Variants in PIBF1 observed in about 807,000 individuals in gnomAD.
PIBF1 encodes the protein progesterone-induced-blocking factor 1.
Under a neutral mutation model 112.5 loss-of-function variants are expected in PIBF1, and 90 were observed. That is an observed-to-expected ratio of 0.80 (90% CI 0.67 to 0.95). The LOEUF (loss-of-function observed/expected upper bound fraction) is 0.95. Ranked by LOEUF, PIBF1 falls within the 40% of genes least tolerant of loss-of-function variation. The pLI is 0.00. For missense variants in PIBF1, 915 were observed against 852.3 expected (o/e 1.07, Z -0.92); for synonymous variants, 301 against 288.6 (o/e 1.04, Z -0.44).
chr13:72,887,657 G>T lies in PIBF1; in HGVS notation c.1323-6127G>T, dbSNP rs988677576. ...TAAATTTCTCATATAAAAATTTTTT[G>T]AGTTGCCTTCAGTAAAATTAATTTT... On this transcript the variant is annotated intron_variant, in intron 10 of 17. Transcript: ENST00000326291. Among the ~76,000 whole-genome samples the T allele has an allele frequency of 3.9e-5, 6 of 151,900 alleles. No individual in the cohort carries two copies. In the East Asian group the frequency reaches 1.2e-3, roughly 29 times the overall value.
At position 72,827,792 on chromosome 13, in the gene PIBF1, C is replaced by T. The variant is rs960490760; in HGVS notation, c.975C>T (p.Arg325=). Residue 325 remains arginine, a synonymous_variant, in exon 8 of 18, where the codon CGC becomes CGT. Transcript: ENST00000326291. ...AAAAGGATAAAGAATATCTTAATCG[C>T]CAAAACATGGAGCTTAGTGTTCGCT... ...LLQKDKEYLN[R]QNMELSVRCA... 1.2e-6 allele frequency: 2 copies of T among 1,601,202 alleles called. No homozygotes were observed. Among genetic ancestry groups the T allele is most frequent in the East Asian group, 2.3e-5 (1 of 44,348 alleles).
At chr13:72,955,173 A>G (rs2042408543) in intron 14 of PIBF1, among the ~76,000 whole-genome samples, 2 of 152,372 alleles carry the variant, frequency 1.3e-5, no homozygotes, top group East Asian at 3.9e-4. Context: ...TGGCTGATTC[A>G]TTACATGGAC....
At chr13:73,003,383 G>A (rs1566539002) in intron 17 of PIBF1, among the ~76,000 whole-genome samples, 1 of 152,006 alleles carries the variant, frequency 6.6e-6, no homozygotes, top group Admixed American at 6.6e-5. Flanking sequence ...CTCCTGAGCA[G>A]TTGGGATTAC....
intron 2 of PIBF1, among the ~76,000 whole-genome samples, chr13:72,791,012 T>C (rs1226767269): frequency 1.3e-5 from 2 of 151,492 alleles, no homozygotes; most frequent in Non-Finnish European, 2.9e-5. Context: ...GCATATGTTA[T>C]GGATTGGCTG....
chr13:72,795,409 A>G lies in PIBF1; in HGVS notation c.404A>G (p.Gln135Arg), dbSNP rs753743630. The change falls in exon 4 of 18, where the codon CAG (glutamine) becomes CGG (arginine). Residue 135 changes from glutamine to arginine, a missense_variant. By Grantham distance (43) the Gln-to-Arg change is conservative. Coordinates refer to ENST00000326291, the MANE Select transcript of PIBF1 (RefSeq NM_006346.4). ...GAAATGGAAACCATTTTGTTGAGAC[A>G]GAAACAACTAGAAGAGACAAATCTT... ...KQEMETILLRQKQLEETNLQL... is the reference protein window; with the variant it reads ...KQEMETILLRRKQLEETNLQL... 1.2e-6 allele frequency: 2 copies of G among 1,606,014 alleles called. No homozygotes were observed. Among genetic ancestry groups the G allele is most frequent in the Non-Finnish European group, 1.7e-6 (2 of 1,177,560 alleles).
At chr13:72,957,433 C>T (rs971365289) in intron 14 of PIBF1, among the ~76,000 whole-genome samples, 66 of 152,216 alleles carry the variant, frequency 4.3e-4, no homozygotes, top group African/African-American at 1.0e-3. Flanking sequence ...AAACATCATA[C>T]GCTCTCACTT....
chr13:72,928,006 C>CACATAT (rs750684543), intron 13 of PIBF1, among the ~76,000 whole-genome samples: 7 of 101,802 alleles, frequency 6.9e-5, no homozygotes, highest in South Asian at 2.9e-4. Context: ...CATATATATA[C>CACATAT]ATATATATAC....
At chr13:72,957,233 T>C (rs1382090010) in intron 14 of PIBF1, among the ~76,000 whole-genome samples, 5 of 152,112 alleles carry the variant, frequency 3.3e-5, no homozygotes, top group Non-Finnish European at 7.4e-5. Context: ...AGCAGCACAA[T>C]TCACAATTGC....
At position 72,982,531 on chromosome 13, in the gene PIBF1, C is replaced by T. The variant is rs141974424; in HGVS notation, c.2049+8856C>T. Among the ~76,000 whole-genome samples, 22 of 152,266 alleles carry T rather than the reference C, an allele frequency of 1.4e-4. 1 individual carries two copies. Among genetic ancestry groups the T allele is most frequent in the African/African-American group, 5.3e-4 (22 of 41,546 alleles). On this transcript the variant is annotated intron_variant, in intron 16 of 17. Transcript: ENST00000326291. Reference sequence around the variant, plus strand: ...AAACATACCCTTTTCTACCTCATTCCTATAACTTTTTAAATATTTCTGTTA... The same window carrying T: ...AAACATACCCTTTTCTACCTCATTCTTATAACTTTTTAAATATTTCTGTTA...
At chr13:72,820,124 A>AT (rs1293327552) in intron 5 of PIBF1, among the ~76,000 whole-genome samples, 2 of 152,110 alleles carry the variant, frequency 1.3e-5, no homozygotes, top group African/African-American at 2.4e-5. Context: ...TACGTTAGAC[A>AT]TTTTTATAAG....
At chr13:72,884,104 T>A (rs1303570840) in intron 10 of PIBF1, among the ~76,000 whole-genome samples, 1 of 152,184 alleles carries the variant, frequency 6.6e-6, no homozygotes, top group African/African-American at 2.4e-5. Context: ...TACGTACCTA[T>A]AAAAATTAAA....
At chr13:72,795,647 C>A in intron 4 of PIBF1, 90 bp downstream of exon 4, 1 of 760,730 alleles carries the variant, frequency 1.3e-6, no homozygotes. Context: ...TTGAAGTACC[C>A]AATTGATACA....
chr13:72,896,272 A>G (rs548281202), intron 11 of PIBF1, among the ~76,000 whole-genome samples: 139 of 152,266 alleles, frequency 9.1e-4, no homozygotes, highest in African/African-American at 3.0e-3. Flanking sequence ...CATCAAGGGA[A>G]CACTTCGTGA....
At chr13:72,800,751 T>C (rs980469560) in intron 5 of PIBF1, among the ~76,000 whole-genome samples, 2 of 152,204 alleles carry the variant, frequency 1.3e-5, no homozygotes, top group African/African-American at 4.8e-5. Flanking sequence ...AGATGTATAT[T>C]GTATTTTAAA....
intron 17 of PIBF1, among the ~76,000 whole-genome samples, chr13:73,005,473 C>T (rs1465800873): frequency 2.0e-5 from 3 of 149,724 alleles, no homozygotes. Flanking sequence ...GACCCTGTCT[C>T]AAAATAATAT....
intron 14 of PIBF1, among the ~76,000 whole-genome samples, chr13:72,950,379 T>C (rs2042264332): frequency 6.6e-6 from 1 of 152,206 alleles, no homozygotes; most frequent in African/African-American, 2.4e-5. Flanking sequence ...TTGAACTTTG[T>C]TGACTTTTTT....
Position 72,949,303 on chromosome 13 carries a change from T to C in PIBF1, c.1834-15971T>C, listed in dbSNP as rs1193219540. Reference sequence around the variant, plus strand: ...TACTACCTAGACAAATAGCTGTCTTTTTTTTTTTTTTTTTTTTTTTTTTTT... The same window carrying C: ...TACTACCTAGACAAATAGCTGTCTTCTTTTTTTTTTTTTTTTTTTTTTTTT... On this transcript the variant is annotated intron_variant, in intron 14 of 17. Coordinates refer to ENST00000326291, the MANE Select transcript of PIBF1 (RefSeq NM_006346.4). Among the ~76,000 whole-genome samples, 10 of 40,988 alleles carry C rather than the reference T, an allele frequency of 2.4e-4. No individual in the cohort carries two copies. In the South Asian group the frequency reaches 8.1e-3, roughly 33 times the overall value. 26.9% of individuals were successfully genotyped at this position (40,988 alleles called of 152,430 possible). A position where few individuals can be genotyped will look rare whatever the true frequency, so the allele number is the denominator to read the frequency against.
rs114531010 is a variant in PIBF1 at position 72,924,905 on chromosome 13, T to C, written c.1731-6260T>C. Reference sequence around the variant, plus strand: ...GGTTAGGCTATGTCAGTCAGAGGAATAGAGATCTGTGAAGGCTGGCACAGT... The same window carrying C: ...GGTTAGGCTATGTCAGTCAGAGGAACAGAGATCTGTGAAGGCTGGCACAGT... On this transcript the variant is annotated intron_variant, in intron 13 of 17. Transcript: ENST00000326291. Among the ~76,000 whole-genome samples, 943 of 152,226 alleles carry C rather than the reference T, an allele frequency of 6.2e-3. 21 individuals are homozygous for C. Among genetic ancestry groups the C allele is most frequent in the African/African-American group, 0.021 (889 of 41,532 alleles).
At chr13:72,944,040 C>T (rs191013683) in intron 14 of PIBF1, among the ~76,000 whole-genome samples, 22 of 152,202 alleles carry the variant, frequency 1.4e-4, no homozygotes, top group African/African-American at 4.3e-4. Context: ...ATTTATTTTT[C>T]TCTTGCTGGC....
Sources: gnomAD v4.1 joint callset for allele counts (sites outside exome capture counted in the v4.1 genomes callset) on GRCh38, gnomAD v4.1.1 for gene constraint, MANE v1.5 for transcripts, NCBI Gene and HGNC (gene_info 2026-07-23, HGNC 2026-07-21) for gene names.